ART3: variants seen among roughly 807,000 people sequenced by gnomAD.
The protein encoded by ART3 is ADP-ribosyltransferase 3 (inactive), also known as ecto-ADP-ribosyltransferase 3.
In ART3, 49 loss-of-function variants were observed where a neutral mutation model predicts 48.5. The observed-to-expected ratio is 1.01, with a 90% CI of 0.80 to 1.28. The LOEUF (loss-of-function observed/expected upper bound fraction) is 1.28. Among genes scored for constraint, ART3 ranks in the 50% most tolerant of loss-of-function variants. The pLI is 0.00. For synonymous variants in ART3, 145 were observed against 157.2 expected, an observed-to-expected ratio of 0.92 and a Z score of 0.58; for missense variants, 438 against 454.3, an observed-to-expected ratio of 0.96 and a Z score of 0.33.
chr4:76,109,632 C>A (rs1729106339), intron 11 of ART3, among the ~76,000 whole-genome samples: 1 of 152,152 alleles, frequency 6.6e-6, no homozygotes, highest in East Asian at 1.9e-4. Context: ...GGTTTATTTA[C>A]ACCATCATCA....
intron 3 of ART3, among the ~76,000 whole-genome samples, chr4:76,088,129 C>A (rs1038230106): frequency 1.3e-5 from 2 of 152,066 alleles, no homozygotes; most frequent in African/African-American, 4.8e-5. Flanking sequence ...ATTATAAATA[C>A]CTGGTGGGAA....
intron 3 of ART3, among the ~76,000 whole-genome samples, chr4:76,093,516 A>T (rs1030990045): frequency 1.3e-5 from 2 of 152,076 alleles, no homozygotes; most frequent in Non-Finnish European, 2.9e-5. Flanking sequence ...TGTTTTTTCC[A>T]CTTTTAAGAA....
intron 3 of ART3, among the ~76,000 whole-genome samples, chr4:76,089,972 C>A (rs183556927): frequency 6.5e-4 from 99 of 152,060 alleles, no homozygotes; most frequent in Non-Finnish European, 1.2e-3. Flanking sequence ...CCCAGCTACT[C>A]GGGAGGCTGA....
intron 3 of ART3, among the ~76,000 whole-genome samples, chr4:76,090,828 A>T (rs1205489967): frequency 8.5e-5 from 13 of 152,260 alleles, no homozygotes; most frequent in Non-Finnish European, 1.9e-4. Flanking sequence ...TGAAATCATC[A>T]CTACAATCAA....
intron 1 of ART3, among the ~76,000 whole-genome samples, chr4:76,038,538 T>C (rs1003304609): frequency 6.6e-6 from 1 of 152,148 alleles, no homozygotes; most frequent in African/African-American, 2.4e-5. Flanking sequence ...CTCAGGAATA[T>C]GGGTAAAGTA....
intron 2 of ART3, among the ~76,000 whole-genome samples, chr4:76,076,985 T>C (rs993389801): frequency 6.6e-6 from 1 of 152,226 alleles, no homozygotes; most frequent in Admixed American, 6.5e-5. Flanking sequence ...ATAGAATCAT[T>C]GTGTATCCTG....
chr4:76,018,354 A>T (rs185623872), intron 1 of ART3, among the ~76,000 whole-genome samples: 16 of 152,342 alleles, frequency 1.1e-4, no homozygotes, highest in Admixed American at 1.0e-3. Context: ...CAAATACTGC[A>T]TGTTCTCACT....
intron 1 of ART3, chr4:76,036,874 T>G (rs1383421395): frequency 1.8e-5 from 4 of 226,550 alleles, no homozygotes; most frequent in African/African-American, 9.3e-5. Flanking sequence ...CTGTTTGACC[T>G]TGGAGACCTT....
At chr4:76,067,725 A>T (rs1313598600) in intron 1 of ART3, among the ~76,000 whole-genome samples, 1 of 152,262 alleles carries the variant, frequency 6.6e-6, no homozygotes, top group African/African-American at 2.4e-5. Context: ...TAATCTTGTC[A>T]ATTAAAATTT....
At chr4:76,030,291 C>CAA (rs1733757824) in intron 1 of ART3, among the ~76,000 whole-genome samples, 1 of 152,052 alleles carries the variant, frequency 6.6e-6, no homozygotes, top group Admixed American at 6.6e-5. Flanking sequence ...CTGCTGACCT[C>CAA]GTGATCCACC....
chr4:76,039,746 T>A (rs1270450014), intron 1 of ART3, among the ~76,000 whole-genome samples: 3 of 152,188 alleles, frequency 2.0e-5, no homozygotes, highest in South Asian at 2.1e-4. Context: ...TTAATTTTTT[T>A]AAAAAGACCC....
chr4:76,063,056 G>C (rs1219328268), intron 1 of ART3, among the ~76,000 whole-genome samples: 1 of 151,952 alleles, frequency 6.6e-6, no homozygotes, highest in Admixed American at 6.6e-5. Flanking sequence ...TAATACTATA[G>C]TGTGCCCCAA....
At chr4:76,056,318 G>C (rs1418049915) in intron 1 of ART3, among the ~76,000 whole-genome samples, 1 of 152,124 alleles carries the variant, frequency 6.6e-6, no homozygotes, top group African/African-American at 2.4e-5. Context: ...AGCTTCTAAG[G>C]GTTAAACTAG....
At chr4:76,020,073 A>G (rs1732642388) in intron 1 of ART3, among the ~76,000 whole-genome samples, 3 of 150,738 alleles carry the variant, frequency 2.0e-5, no homozygotes, top group Admixed American at 6.6e-5. Flanking sequence ...TTAGGGGCTT[A>G]TGCTTCTTAC....
chr4:76,097,718 A>G (rs753626792), intron 4 of ART3, 42 bp downstream of exon 4: 3 of 1,505,130 alleles, frequency 2.0e-6, no homozygotes, highest in Non-Finnish European at 2.8e-6. Flanking sequence ...TAGGAATTTT[A>G]TCAGTTACTT....
In ART3 at chr4:76,019,130, GA is replaced by G. The variant is rs1264800243; in HGVS notation, c.-10+7817del. Among the ~76,000 whole-genome samples, 3 of 151,138 alleles carry G rather than the reference GA, an allele frequency of 2.0e-5. No homozygotes were observed. In the East Asian group the frequency reaches 5.8e-4, roughly 29 times the overall value. ...ATTTGAACATAATAAGATTCTTTGT[GA>G]AAAAAATGGCCCCACCAAAAGATGA... On this transcript the variant is annotated intron_variant, in intron 1 of 9. Coordinates refer to the ART3 transcript ENST00000341029.
chr4:76,081,681 C>T, intron 2 of ART3, 143 bp from the exon 3 acceptor site: 1 of 731,474 alleles, frequency 1.4e-6, no homozygotes, highest in Non-Finnish European at 2.3e-6. Flanking sequence ...AATATACTTC[C>T]TGCATAAAAA....
upstream of ART3, among the ~76,000 whole-genome samples, chr4:76,073,865 A>T (rs1258533608): frequency 6.6e-6 from 1 of 152,156 alleles, no homozygotes; most frequent in East Asian, 1.9e-4. Flanking sequence ...CCACATTGTT[A>T]TATATGGTCA....
At chr4:76,039,218 G>C (rs1184983209) in intron 1 of ART3, among the ~76,000 whole-genome samples, 1 of 151,614 alleles carries the variant, frequency 6.6e-6, no homozygotes, top group East Asian at 1.9e-4. Flanking sequence ...TCTTGCCTCA[G>C]CCTCCCAAGT....
Sources: gnomAD v4.1 joint callset for allele counts (sites outside exome capture counted in the v4.1 genomes callset) on GRCh38, gnomAD v4.1.1 for gene constraint, MANE v1.5 for transcripts, NCBI Gene and HGNC (gene_info 2026-07-23, HGNC 2026-07-21) for gene names.